The following LDB2 variants were observed in gnomAD, a reference collection of about 807,000 sequenced individuals.
LDB2 encodes LIM domain-binding protein 2.
Under a neutral mutation model 44.3 loss-of-function variants are expected in LDB2, and 12 were observed. The ratio of observed to expected loss-of-function variants is 0.27; its 90% confidence interval spans 0.17 to 0.44. The LOEUF (loss-of-function observed/expected upper bound fraction) is 0.44. LDB2 is among the 20% of genes least tolerant of loss of function. The pLI is 1.00. For synonymous variants in LDB2, 164 were observed against 174.8 expected (o/e 0.94, Z 0.49); for missense variants, 344 against 473.5 (o/e 0.73, Z 2.54).
chr4:16,892,429 T>C (rs1034749855), intron 1 of LDB2, among the ~76,000 whole-genome samples: 1 of 152,346 alleles, frequency 6.6e-6, no homozygotes, highest in African/African-American at 2.4e-5. Context: ...TCTAGGCTCA[T>C]ATTGATTTTT....
At chr4:16,704,451 C>A (rs1465286522) in intron 2 of LDB2, among the ~76,000 whole-genome samples, 1 of 152,164 alleles carries the variant, frequency 6.6e-6, no homozygotes, top group Non-Finnish European at 1.5e-5. Context: ...AAACTGCCCA[C>A]AAATTTTCTG....
intron 1 of LDB2, among the ~76,000 whole-genome samples, chr4:16,855,101 T>C (rs1243249204): frequency 6.6e-6 from 1 of 152,092 alleles, no homozygotes; most frequent in Non-Finnish European, 1.5e-5. Context: ...CTAAAGTAAC[T>C]GTTCTCAAGT....
chr4:16,661,063 T>G (rs1741438700), intron 2 of LDB2, among the ~76,000 whole-genome samples: 1 of 152,098 alleles, frequency 6.6e-6, no homozygotes, highest in Admixed American at 6.5e-5. Flanking sequence ...TTCTTTCCAA[T>G]CGTTTTTCTA....
intron 7 of LDB2, among the ~76,000 whole-genome samples, chr4:16,505,158 T>A (rs1291873629): frequency 6.6e-6 from 1 of 152,188 alleles, no homozygotes; most frequent in Non-Finnish European, 1.5e-5. Context: ...ATGAACATAG[T>A]GGTTTGAATC....
At chr4:16,852,534 A>G (rs998575709) in intron 1 of LDB2, among the ~76,000 whole-genome samples, 1 of 152,210 alleles carries the variant, frequency 6.6e-6, no homozygotes, top group East Asian at 1.9e-4. Context: ...ATCATTACCA[A>G]TTACATATTC....
intron 2 of LDB2, among the ~76,000 whole-genome samples, chr4:16,725,402 C>A (rs1256973840): frequency 3.3e-5 from 5 of 151,954 alleles, no homozygotes; most frequent in Non-Finnish European, 7.4e-5. Context: ...TCCAGGAAAC[C>A]AACCCCTTAT....
chr4:16,664,812 G>A (rs1004780462), intron 2 of LDB2, among the ~76,000 whole-genome samples: 8 of 152,180 alleles, frequency 5.3e-5, no homozygotes, highest in African/African-American at 1.4e-4. Flanking sequence ...TGCATGTTTC[G>A]GGTGTCGGCT....
At chr4:16,705,954 A>G (rs1456523316) in intron 2 of LDB2, among the ~76,000 whole-genome samples, 6 of 152,188 alleles carry the variant, frequency 3.9e-5, no homozygotes, top group Non-Finnish European at 8.8e-5. Context: ...CTCAGTCACT[A>G]TATAATCTTT....
chr4:16,591,282 T>G (rs1434438321), intron 3 of LDB2, among the ~76,000 whole-genome samples: 2 of 152,226 alleles, frequency 1.3e-5, no homozygotes, highest in African/African-American at 4.8e-5. Context: ...TCTGACAGAT[T>G]ACTCAGTTGG....
At chr4:16,639,897 G>A (rs1037658154) in intron 2 of LDB2, among the ~76,000 whole-genome samples, 10 of 152,350 alleles carry the variant, frequency 6.6e-5, no homozygotes, top group South Asian at 4.1e-4. Context: ...GCTTCACAGC[G>A]CTCACACTTG....
intron 5 of LDB2, among the ~76,000 whole-genome samples, chr4:16,562,210 T>C (rs1286961050): frequency 9.2e-5 from 14 of 151,940 alleles, no homozygotes; most frequent in Non-Finnish European, 2.1e-4. Flanking sequence ...AAAGACAAAA[T>C]TGACAAATGG....
At chr4:16,831,166 T>A (rs1389535042) in intron 1 of LDB2, among the ~76,000 whole-genome samples, 1 of 135,464 alleles carries the variant, frequency 7.4e-6, no homozygotes, top group East Asian at 2.2e-4. Flanking sequence ...CAACTCAGCC[T>A]CTCTGAGCTT....
chr4:16,758,490 G>A (rs900066813), intron 2 of LDB2, among the ~76,000 whole-genome samples: 1 of 152,126 alleles, frequency 6.6e-6, no homozygotes, highest in Non-Finnish European at 1.5e-5. Flanking sequence ...ATGCCTCCTG[G>A]TCTGATAGCA....
intron 1 of LDB2, among the ~76,000 whole-genome samples, chr4:16,787,963 A>G (rs1420351366): frequency 1.3e-5 from 2 of 152,116 alleles, no homozygotes; most frequent in African/African-American, 4.8e-5. Flanking sequence ...TTTGGGGTAC[A>G]TGTGCCTGAC....
intron 2 of LDB2, chr4:16,674,071 T>C (rs1745624783): frequency 5.1e-6 from 2 of 394,796 alleles, no homozygotes; most frequent in African/African-American, 2.1e-5. Flanking sequence ...AGTGCTCTCT[T>C]ATACGTTAAC....
chr4:16,845,062 T>G (rs1295624815), intron 1 of LDB2, among the ~76,000 whole-genome samples: 1 of 152,178 alleles, frequency 6.6e-6, no homozygotes, highest in Admixed American at 6.5e-5. Context: ...ACTCATGCAG[T>G]GCATGTTTCA....
At chr4:16,534,346 T>C (rs1039860738) in intron 5 of LDB2, among the ~76,000 whole-genome samples, 8 of 152,188 alleles carry the variant, frequency 5.3e-5, no homozygotes, top group African/African-American at 1.9e-4. Flanking sequence ...GATGGCTTAG[T>C]AGGGGTTTTA....
chr4:16,602,007 A>C (rs1480466507), intron 2 of LDB2, among the ~76,000 whole-genome samples: 1 of 152,212 alleles, frequency 6.6e-6, no homozygotes, highest in Admixed American at 6.5e-5. Context: ...AGTCGAATTA[A>C]TTAATTAATT....
chr4:16,570,259 C>T (rs1188792903), intron 5 of LDB2, among the ~76,000 whole-genome samples: 3 of 151,416 alleles, frequency 2.0e-5, no homozygotes, highest in Non-Finnish European at 4.4e-5. Context: ...GTCAGGAGAT[C>T]GAGACCACCC....
Sources: gnomAD v4.1 joint callset for allele counts (sites outside exome capture counted in the v4.1 genomes callset) on GRCh38, gnomAD v4.1.1 for gene constraint, MANE v1.5 for transcripts, NCBI Gene and HGNC (gene_info 2026-07-23, HGNC 2026-07-21) for gene names.